Variants in DHX8 observed in about 807,000 individuals in gnomAD.
DHX8 encodes the protein DEAH-box helicase 8.
A neutral mutation model predicts 140.7 loss-of-function variants in DHX8; 67 were observed. The ratio of observed to expected loss-of-function variants is 0.48; its 90% confidence interval spans 0.39 to 0.58. The LOEUF is 0.58. Among genes scored for constraint, DHX8 ranks in the 20% least tolerant of loss-of-function variants. DHX8 has a pLI of 0.00. For missense variants in DHX8, 887 were observed against 1,550.7 expected (o/e 0.57, Z 7.19); for synonymous variants, 533 against 553.2 (o/e 0.96, Z 0.51).
At chr17:43,494,537 T>A (rs1400262001) in intron 8 of DHX8, among the ~76,000 whole-genome samples, 2 of 151,808 alleles carry the variant, frequency 1.3e-5, no homozygotes, top group Non-Finnish European at 2.9e-5. Context: ...CTGACCGGTA[T>A]GGTGAAACCC....
At position 43,508,527 on chromosome 17, in the gene DHX8, T is replaced by A. The variant is rs780431999; in HGVS notation, c.2502+7T>A. ...TCCACCAGGCAGCAGAAAGGTAACA[T>A]GGGCAAAAATGAAGCTTCCATGTGC... On this transcript the variant is annotated splice_region_variant and intron_variant, in intron 16 of 22. Transcript: ENST00000262415. 1 of 1,600,830 alleles carries A rather than the reference T, an allele frequency of 6.2e-7. No homozygotes were observed. The highest frequency in any genetic ancestry group is 2.2e-5 in the East Asian group (1 of 44,794).
intron 2 of DHX8, chr17:43,533,710 C>A (rs755273382): frequency 1.6e-5 from 16 of 1,020,378 alleles, no homozygotes; most frequent in Non-Finnish European, 9.9e-6. Context: ...AGAGGAAATC[C>A]TTAGCTGTAT....
At chr17:43,528,668 G>A (rs148563892), downstream of DHX8, 5 of 1,614,186 alleles carry the variant, frequency 3.1e-6, no homozygotes, top group African/African-American at 6.7e-5. Flanking sequence ...GCTGGACGCT[G>A]ATTGTCCGGG....
chr17:43,530,155 G>A (rs760428912), downstream of DHX8: 8 of 1,560,384 alleles, frequency 5.1e-6, no homozygotes, highest in Non-Finnish European at 6.9e-6. Flanking sequence ...TCTGTGTGGA[G>A]GTACATTGAT....
rs752073157 is a variant in DHX8, at chr17:43,492,159, C to G, written c.394-24C>G. 2.4e-5 allele frequency: 38 copies of G among 1,584,188 alleles called. No individual in the cohort carries two copies. In the East Asian group the frequency reaches 3.4e-4, roughly 14 times the overall value. On this transcript the variant is annotated intron_variant, in intron 4 of 22. Transcript: ENST00000262415. The stretch of plus-strand genomic sequence containing the variant: ...ATTCTTGAGTAGTTTTTTTTCCTAA[C>G]TTTGCCGGCCTCTACCTCTGCAGAC...
At chr17:43,521,686 C>T in intron 21 of DHX8, 121 bp downstream of exon 21, 1 of 959,254 alleles carries the variant, frequency 1.0e-6, no homozygotes, top group Non-Finnish European at 1.6e-6. Flanking sequence ...TCACATAACC[C>T]TTTTCCTCCA....
chr17:43,533,898 G>A (rs1157046316), intron 2 of DHX8: 1 of 1,597,310 alleles, frequency 6.3e-7, no homozygotes, highest in East Asian at 2.3e-5. Flanking sequence ...GTAGGGGAGT[G>A]GCGGCTTCCT....
At chr17:43,490,558 GCA>G in intron 3 of DHX8, 95 bp downstream of exon 3, 6 of 1,025,864 alleles carry the variant, frequency 5.8e-6, no homozygotes, top group Non-Finnish European at 8.7e-6. Flanking sequence ...CAGTTGCTGA[GCA>G]AGTAAATGTT....
intron 12 of DHX8, among the ~76,000 whole-genome samples, 159 bp from the exon 13 acceptor site, chr17:43,506,840 TTAAC>T (rs909100970): frequency 1.1e-4 from 16 of 152,232 alleles, no homozygotes; most frequent in Admixed American, 7.9e-4. Flanking sequence ...GTTGACTTCT[TTAAC>T]TATATGTGTA....
downstream of DHX8, chr17:43,526,460 C>T: frequency 6.5e-7 from 1 of 1,535,166 alleles, no homozygotes. Flanking sequence ...TTCATCCCGC[C>T]TGGACGTGAT....
At chr17:43,530,378 C>T (rs1468399700), downstream of DHX8, 8 of 1,444,480 alleles carry the variant, frequency 5.5e-6, no homozygotes, top group Middle Eastern at 7.9e-4. Context: ...TGGAACCCCT[C>T]CTCAACTTGA....
At position 43,507,463 on chromosome 17, in the gene DHX8, A is replaced by G. The variant is rs1202804215; in HGVS notation, c.1924-40A>G. 3 of 1,569,688 alleles carry G rather than the reference A, an allele frequency of 1.9e-6. No individual in the cohort carries two copies. The South Asian group carries it at 3.4e-5, about 18-fold the overall frequency. ...CTTGCCTGGTGATTGGGAAAAGGAG[A>G]CATTTGTATCCTAGGTTTTCCCCTT... On this transcript the variant is annotated intron_variant, in intron 13 of 22. Coordinates refer to ENST00000262415, the MANE Select transcript of DHX8 (RefSeq NM_004941.3).
chr17:43,498,347 A>G (rs1367282580), intron 9 of DHX8, among the ~76,000 whole-genome samples: 14 of 151,616 alleles, frequency 9.2e-5, no homozygotes, highest in East Asian at 5.9e-4. Flanking sequence ...GGGTTTCACC[A>G]TGTTGACCAG....
chr17:43,499,356 A>T (rs974576534), intron 10 of DHX8, among the ~76,000 whole-genome samples: 3 of 152,212 alleles, frequency 2.0e-5, no homozygotes, highest in African/African-American at 7.2e-5. Flanking sequence ...TGTAAGGGGA[A>T]TCCAAACCAG....
chr17:43,488,285 A>AG, intron 1 of DHX8, among the ~76,000 whole-genome samples: 1 of 133,450 alleles, frequency 7.5e-6, no homozygotes, highest in Non-Finnish European at 1.6e-5. Context: ...CTCAAAAAAA[A>AG]GAAAAAAAAA....
chr17:43,529,072 C>T (rs947981104), downstream of DHX8: 2 of 1,477,132 alleles, frequency 1.4e-6, no homozygotes, highest in African/African-American at 2.8e-5. Flanking sequence ...CTGACCCTCT[C>T]CCCAGTCAGC....
At chr17:43,500,147 A>C in intron 11 of DHX8, 44 bp downstream of exon 11, 1 of 1,596,632 alleles carries the variant, frequency 6.3e-7, no homozygotes, top group Non-Finnish European at 8.5e-7. Context: ...TAAAAATCTG[A>C]GCCTTTCAGA....
intron 3 of DHX8, 49 bp from the exon 4 acceptor site, chr17:43,491,116 A>C (rs1968492093): frequency 6.3e-6 from 5 of 798,636 alleles, no homozygotes; most frequent in Non-Finnish European, 9.4e-6. Context: ...TAATAATATT[A>C]AATATATATC....
At chr17:43,507,412 A>T (rs1969556167) in intron 13 of DHX8, 91 bp from the exon 14 acceptor site, 2 of 1,264,492 alleles carry the variant, frequency 1.6e-6, no homozygotes, top group African/African-American at 1.5e-5. Context: ...TCTTAAGATT[A>T]TGAGTGAGAG....
Sources: gnomAD v4.1 joint callset for allele counts (sites outside exome capture counted in the v4.1 genomes callset) on GRCh38, gnomAD v4.1.1 for gene constraint, MANE v1.5 for transcripts, NCBI Gene and HGNC (gene_info 2026-07-23, HGNC 2026-07-21) for gene names.